CNGA1: variants seen among roughly 807,000 people sequenced by gnomAD.
CNGA1 encodes cyclic nucleotide-gated channel alpha-1.
A neutral mutation model predicts 69.7 loss-of-function variants in CNGA1; 53 were observed. The ratio of observed to expected loss-of-function variants is 0.76; its 90% CI spans 0.61 to 0.96. The LOEUF is 0.96. Ranked by LOEUF, CNGA1 falls within the 40% of genes least tolerant of loss-of-function variation. CNGA1 has a pLI of 0.00. For synonymous variants in CNGA1, 249 were observed against 283.5 expected (o/e 0.88, Z 1.22); for missense variants, 739 against 811.2 (o/e 0.91, Z 1.08).
rs1560301384 is a variant in CNGA1, at chr4:47,976,342, T to TATATATATATGTATATATATATATACAC, written c.-15+5050_-15+5051insGTGTATATATATATATACATATATATAT. On this transcript the variant is annotated intron_variant, in intron 3 of 10. Coordinates refer to ENST00000514170, the MANE Select transcript of CNGA1 (RefSeq NM_001379270.1). Reference sequence around the variant, plus strand: ...ATATATGTATATATATATATACACATATATATATATATGTATATGTGTTTA... The same window carrying TATATATATATGTATATATATATATACAC: ...ATATATGTATATATATATATACACATATATATATATGTATATATATATATACACATATATATATATGTATATGTGTTTA... 5.4e-3 allele frequency among the ~76,000 whole-genome samples: 104 copies of TATATATATATGTATATATATATATACAC among 19,344 alleles called. 6 individuals are homozygous for TATATATATATGTATATATATATATACAC. Among genetic ancestry groups the TATATATATATGTATATATATATATACAC allele is most frequent in the African/African-American group, 0.012 (98 of 8,034 alleles). The allele number at this position is 19,344 out of a possible 152,430, so 12.7% of individuals were successfully genotyped here. A position where few individuals can be genotyped will look rare whatever the true frequency, so the allele number is the denominator to read the frequency against.
At chr4:47,943,055 A>T in intron 8 of CNGA1, 126 bp downstream of exon 8, 2 of 663,436 alleles carry the variant, frequency 3.0e-6, no homozygotes, top group Non-Finnish European at 5.3e-6. Flanking sequence ...ATATTTAAAG[A>T]CATTTAGTCT....
At chr4:47,966,009 G>A (rs1740706565) in intron 3 of CNGA1, among the ~76,000 whole-genome samples, 1 of 152,194 alleles carries the variant, frequency 6.6e-6, no homozygotes, top group African/African-American at 2.4e-5. Flanking sequence ...GAATCAAAGA[G>A]AAACAATTGC....
In CNGA1 at chr4:47,952,625, T is replaced by C; in HGVS notation, c.65A>G (p.Asp22Gly). The change falls in exon 4 of 11, where the codon GAT becomes GGT. Residue 22 changes from aspartate to glycine, a missense_variant. By Grantham distance (94) the Asp-to-Gly change is moderately conservative (BLOSUM62 -1). Coordinates refer to ENST00000514170, the MANE Select transcript of CNGA1 (RefSeq NM_001379270.1). Reference protein sequence around the residue: ...FVTMPNVIVPDIEKEIRRMEN... With the variant: ...FVTMPNVIVPGIEKEIRRMEN... ...CATCCTTCGTATTTCCTTTTCAATA[T>C]CTGGTACAATCACATTGGGCATGGT... The C allele has an allele frequency of 6.2e-7, 1 of 1,610,884 alleles. No individual in the cohort carries two copies. Among genetic ancestry groups the C allele is most frequent in the Non-Finnish European group, 8.5e-7 (1 of 1,177,838 alleles).
At chr4:48,004,214 T>G (rs889494729) in intron 2 of CNGA1, among the ~76,000 whole-genome samples, 1 of 152,256 alleles carries the variant, frequency 6.6e-6, no homozygotes, top group Admixed American at 6.5e-5. Flanking sequence ...AGTGGACACG[T>G]GACCCATGTG....
At chr4:48,016,209 C>A (rs956677408) in intron 1 of CNGA1, among the ~76,000 whole-genome samples, 1 of 152,002 alleles carries the variant, frequency 6.6e-6, no homozygotes, top group East Asian at 1.9e-4. Context: ...GGAGACAGAA[C>A]GGAGAGTGGA....
At chr4:47,963,087 A>AGGT (rs1740548326) in intron 3 of CNGA1, among the ~76,000 whole-genome samples, 1 of 152,054 alleles carries the variant, frequency 6.6e-6, no homozygotes, top group Non-Finnish European at 1.5e-5. Flanking sequence ...CCTTCTGGGT[A>AGGT]GGTGGGAATA....
At chr4:48,009,612 T>C (rs770058043) in intron 2 of CNGA1, among the ~76,000 whole-genome samples, 3 of 152,286 alleles carry the variant, frequency 2.0e-5, no homozygotes, top group East Asian at 3.9e-4. Context: ...AAGACCACCC[T>C]GACCAACATG....
At chr4:47,994,536 C>T (rs1252069660) in intron 2 of CNGA1, among the ~76,000 whole-genome samples, 1 of 152,030 alleles carries the variant, frequency 6.6e-6, no homozygotes, top group Non-Finnish European at 1.5e-5. Context: ...TTTTTCCACC[C>T]CTTTATCTTA....
At chr4:47,995,475 G>A (rs1742441124) in intron 2 of CNGA1, among the ~76,000 whole-genome samples, 1 of 151,978 alleles carries the variant, frequency 6.6e-6, no homozygotes, top group South Asian at 2.1e-4. Context: ...TGCTCTAAGT[G>A]TGTCCATTGT....
rs1171182714 is a variant in CNGA1 at position 47,984,724 on chromosome 4, A to C, written c.-122-3224T>G. On this transcript the variant is annotated intron_variant, in intron 2 of 10. Transcript: ENST00000514170. ...TATATAATATATATAATTGTCCCTC[A>C]CATCTAAGAAATGTTTTTTAATTAC... Among the ~76,000 whole-genome samples the C allele has an allele frequency of 2.0e-5, 3 of 151,246 alleles. No homozygotes were observed. The South Asian group carries it at 6.3e-4, about 32-fold the overall frequency.
intron 3 of CNGA1, among the ~76,000 whole-genome samples, chr4:47,977,928 G>A (rs764610846): frequency 1.3e-4 from 20 of 151,782 alleles, no homozygotes; most frequent in Non-Finnish European, 2.6e-4. Flanking sequence ...CCTGGTTCAA[G>A]CAATTCTCCT....
intron 2 of CNGA1, among the ~76,000 whole-genome samples, chr4:47,987,442 C>T (rs146316899): frequency 7.9e-5 from 12 of 152,256 alleles, no homozygotes; most frequent in Admixed American, 2.6e-4. Context: ...CCTGTAGGAA[C>T]TGTAAATGTC....
chr4:47,977,606 T>C (rs575618240), intron 3 of CNGA1, among the ~76,000 whole-genome samples: 19 of 152,180 alleles, frequency 1.2e-4, no homozygotes, highest in Admixed American at 1.2e-3. Flanking sequence ...TGTCAGTGTC[T>C]CTCCCCCAGA....
chr4:48,006,531 G>A lies in CNGA1; in HGVS notation c.-123+4263C>T, dbSNP rs183983108. ...CATTTCTTATTTGATGGTGTTTCCT[G>A]TATAATTTTTATACCAAATAACCAA... On this transcript the variant is annotated intron_variant, in intron 2 of 10. Transcript: ENST00000514170. Among the ~76,000 whole-genome samples the A allele has an allele frequency of 9.8e-3, 1,487 of 152,110 alleles. 87 individuals are homozygous for A. Among genetic ancestry groups the A allele is most frequent in the Admixed American group, 0.09 (1,375 of 15,278 alleles).
chr4:48,014,144 G>C (rs932791933), intron 1 of CNGA1, among the ~76,000 whole-genome samples: 2 of 152,140 alleles, frequency 1.3e-5, no homozygotes, highest in Non-Finnish European at 2.9e-5. Context: ...AATTTTCCTA[G>C]AATCAAAGAA....
Position 47,994,607 on chromosome 4 carries a change from T to C in CNGA1, c.-122-13107A>G, listed in dbSNP as rs1742405537. 2.0e-5 allele frequency among the ~76,000 whole-genome samples: 3 copies of C among 152,218 alleles called. No homozygotes were observed. The South Asian group carries it at 6.2e-4, about 32-fold the overall frequency. On this transcript the variant is annotated intron_variant, in intron 2 of 10. Coordinates refer to ENST00000514170, the MANE Select transcript of CNGA1 (RefSeq NM_001379270.1). The stretch of plus-strand genomic sequence containing the variant: ...CTGAAGGCAACAGACAGTTGGTTGG[T>C]GAATTCTTATCCATTCTGTAATTCT...
intron 2 of CNGA1, among the ~76,000 whole-genome samples, chr4:48,000,557 G>T (rs908704123): frequency 1.3e-5 from 2 of 152,038 alleles, no homozygotes; most frequent in African/African-American, 2.4e-5. Flanking sequence ...TAGTAGATAC[G>T]GGGCTTCTCC....
chr4:47,996,999 G>A (rs1391788459), intron 2 of CNGA1, among the ~76,000 whole-genome samples: 1 of 152,182 alleles, frequency 6.6e-6, no homozygotes, highest in Non-Finnish European at 1.5e-5. Flanking sequence ...GGTGGAGGTT[G>A]CAGTGAGCCA....
Position 47,937,136 on chromosome 4 carries a change from A to G in CNGA1, c.1346T>C (p.Val449Ala), listed in dbSNP as rs1738708133. 3 of 1,614,104 alleles carry G rather than the reference A, an allele frequency of 1.9e-6. No individual in the cohort carries two copies. The Admixed American group carries it at 5.0e-5, about 27-fold the overall frequency. ...TAGTTTATCAGGTAGATACTTTAAG[A>G]CTTCTTTCTCATCAACTGTTTTTTT... ...TNKKTVDEKEVLKYLPDKLRA... is the reference protein window; with the variant it reads ...TNKKTVDEKEALKYLPDKLRA... The change falls in exon 11 of 11, where the codon GTC becomes GCC. Residue 449 changes from valine to alanine, a missense_variant. Physicochemically the swap from Val to Ala is moderately conservative, Grantham distance 64. Transcript: ENST00000514170.
Sources: allele counts gnomAD v4.1 joint callset (sites outside exome capture counted in the v4.1 genomes callset), GRCh38; gene constraint gnomAD v4.1.1; transcripts MANE v1.5; gene names NCBI Gene and HGNC (gene_info 2026-07-23, HGNC 2026-07-21).